Variants in CAMK2A observed in about 807,000 individuals in gnomAD.
CAMK2A encodes calcium/calmodulin-dependent protein kinase type II subunit alpha.
Under a neutral mutation model 79.2 loss-of-function variants are expected in CAMK2A, and 7 were observed. The observed-to-expected ratio is 0.09, with a 90% CI of 0.05 to 0.17. The LOEUF is 0.17. CAMK2A is among the 10% of genes least tolerant of loss of function. CAMK2A has a pLI of 1.00. For synonymous variants in CAMK2A, 242 were observed against 251.7 expected (o/e 0.96, Z 0.36); for missense variants, 214 against 646.4 (o/e 0.33, Z 7.25).
At chr5:150,228,055 C>T (rs1044889162) in intron 17 of CAMK2A, 137 bp downstream of exon 17, 1 of 659,102 alleles carries the variant, frequency 1.5e-6, no homozygotes. Context: ...GGGTACCAAC[C>T]CCAGTCCACA....
chr5:150,245,273 A>C, intron 12 of CAMK2A, 72 bp from the exon 13 acceptor site: 1 of 1,471,738 alleles, frequency 6.8e-7, no homozygotes, highest in Admixed American at 1.7e-5. Context: ...GAGGACGAGC[A>C]GCATCCACAC....
chr5:150,288,622 C>T (rs1054496735), intron 1 of CAMK2A, among the ~76,000 whole-genome samples: 5 of 152,194 alleles, frequency 3.3e-5, no homozygotes, highest in African/African-American at 1.2e-4. Flanking sequence ...GCTCCTGCTG[C>T]CTCAGCAGAA....
Position 150,287,937 on chromosome 5 carries a change from C to G in CAMK2A, c.62+1627G>C, listed in dbSNP as rs993936547. ...GTGGTGCATGCCTGTAGGATAGCCT[C>G]TGTGTGTGTGTGTGTGTGTGTGTGT... On this transcript the variant is annotated intron_variant, in intron 1 of 18. Transcript: ENST00000671881. Among the ~76,000 whole-genome samples the G allele has an allele frequency of 1.6e-3, 230 of 140,876 alleles. 2 individuals are homozygous for G. Among genetic ancestry groups the G allele is most frequent in the African/African-American group, 4.6e-3 (176 of 37,980 alleles). 92.4% of individuals were successfully genotyped at this position (140,876 alleles called of 152,430 possible). A position where few individuals can be genotyped will look rare whatever the true frequency, so the allele number is the denominator to read the frequency against.
upstream of CAMK2A, chr5:150,289,846 C>T: frequency 1.8e-6 from 1 of 544,468 alleles, no homozygotes; most frequent in Non-Finnish European, 3.3e-6. Context: ...CAACCACCTC[C>T]AAAACGCCCT....
chr5:150,231,721 C>G (rs2114027348), intron 15 of CAMK2A, among the ~76,000 whole-genome samples: 1 of 152,194 alleles, frequency 6.6e-6, no homozygotes, highest in East Asian at 1.9e-4. Flanking sequence ...TGAATCTACG[C>G]CTGATGTAAA....
intron 9 of CAMK2A, 34 bp downstream of exon 9, chr5:150,251,716 G>A (rs1755841787): frequency 3.4e-6 from 5 of 1,490,128 alleles, no homozygotes; most frequent in Non-Finnish European, 4.5e-6. Context: ...GGCACCAGAG[G>A]ATGATGGGAG....
chr5:150,221,919 C>T lies in CAMK2A; in HGVS notation c.*791G>A, dbSNP rs1754328349. On this transcript the variant is annotated 3_prime_UTR_variant, in exon 19 of 19. Coordinates refer to ENST00000671881, the MANE Select transcript of CAMK2A (RefSeq NM_015981.4). ...ACACAGAAATTTGGCTATAAAAAGG[C>T]ATGCGGTCCAAGTAGAAGTGATACC... 3.9e-6 allele frequency: 1 copy of T among 259,398 alleles called. No homozygotes were observed. The highest frequency in any genetic ancestry group is 7.2e-6 in the Non-Finnish European group (1 of 138,742). The allele number at this position is 259,398 out of a possible 1,614,324, so 16.1% of individuals were successfully genotyped here.
intron 2 of CAMK2A, among the ~76,000 whole-genome samples, chr5:150,265,982 A>G (rs1756497043): frequency 6.6e-6 from 1 of 152,174 alleles, no homozygotes; most frequent in Non-Finnish European, 1.5e-5. Context: ...ACCACATGAA[A>G]GAATAAATGA....
At chr5:150,266,242 C>CTGGGAACAG (rs1342779898) in intron 2 of CAMK2A, among the ~76,000 whole-genome samples, 3 of 152,178 alleles carry the variant, frequency 2.0e-5, no homozygotes, top group African/African-American at 7.2e-5. Flanking sequence ...TCTCCAGCTG[C>CTGGGAACAG]TGGGAACAGT....
intron 1 of CAMK2A, among the ~76,000 whole-genome samples, chr5:150,277,095 T>C (rs971453853): frequency 6.6e-6 from 1 of 152,180 alleles, no homozygotes; most frequent in African/African-American, 2.4e-5. Context: ...ACATCTGTGG[T>C]CCCAGCTACT....
chr5:150,251,503 C>T (rs1755831980), intron 9 of CAMK2A, among the ~76,000 whole-genome samples: 2 of 152,158 alleles, frequency 1.3e-5, no homozygotes, highest in Admixed American at 1.3e-4. Context: ...GAGAGAGAAA[C>T]AGAGAAACCC....
At chr5:150,266,758 A>G in intron 2 of CAMK2A, among the ~76,000 whole-genome samples, 1 of 152,122 alleles carries the variant, frequency 6.6e-6, no homozygotes, top group East Asian at 1.9e-4. Context: ...CAATTCCCAA[A>G]TAGAAAAATT....
At chr5:150,264,900 T>C in intron 3 of CAMK2A, 56 bp downstream of exon 3, 1 of 1,374,746 alleles carries the variant, frequency 7.3e-7, no homozygotes. Flanking sequence ...CGTGCCAGGG[T>C]GGGCAGGGGA....
chr5:150,250,644 G>A, intron 10 of CAMK2A, 44 bp downstream of exon 10: 1 of 1,611,362 alleles, frequency 6.2e-7, no homozygotes, highest in Non-Finnish European at 8.5e-7. Context: ...GGATCATGAG[G>A]TCTGGAGGGG....
At position 150,289,679 on chromosome 5, in the gene CAMK2A, G is replaced by T; in HGVS notation, c.-54C>A. On this transcript the variant is annotated 5_prime_UTR_variant, in exon 1 of 19. Coordinates refer to ENST00000671881, the MANE Select transcript of CAMK2A (RefSeq NM_015981.4). The stretch of plus-strand genomic sequence containing the variant: ...GGGACTGGGGGACCAGGACTGAGGC[G>T]CTGCTGCTCTGCTCCCGAACCTAGG... 6.9e-7 allele frequency: 1 copy of T among 1,443,510 alleles called. No homozygotes were observed. The highest frequency in any genetic ancestry group is 9.7e-7 in the Non-Finnish European group (1 of 1,030,546). 89.4% of individuals were successfully genotyped at this position (1,443,510 alleles called of 1,614,324 possible).
At chr5:150,247,706 G>T in intron 12 of CAMK2A, 66 bp downstream of exon 12, 2 of 1,365,888 alleles carry the variant, frequency 1.5e-6, no homozygotes, top group Non-Finnish European at 2.1e-6. Context: ...TCCAATATCT[G>T]ACAGGACGGT....
intron 2 of CAMK2A, among the ~76,000 whole-genome samples, chr5:150,272,586 A>AAGAG (rs1554123921): frequency 6.6e-6 from 1 of 150,412 alleles, no homozygotes; most frequent in Non-Finnish European, 1.5e-5. Flanking sequence ...AAAAAAAAAA[A>AAGAG]AGAGAGAGAG....
rs762276959 is a variant in CAMK2A at position 150,239,685 on chromosome 5, G to C, written c.1017+19C>G. 2.5e-6 allele frequency: 4 copies of C among 1,613,182 alleles called. No homozygotes were observed. The East Asian group carries it at 8.9e-5, about 36-fold the overall frequency. Reference sequence around the variant, plus strand: ...CGAGGCCCAGCATTTACCGGCGTTAGGAGACGGCAGACACTCACCATTAAC... The same window carrying C: ...CGAGGCCCAGCATTTACCGGCGTTACGAGACGGCAGACACTCACCATTAAC... On this transcript the variant is annotated intron_variant, in intron 14 of 18. Coordinates refer to ENST00000671881, the MANE Select transcript of CAMK2A (RefSeq NM_015981.4).
chr5:150,239,129 C>T (rs906674576), intron 14 of CAMK2A, among the ~76,000 whole-genome samples: 1 of 151,948 alleles, frequency 6.6e-6, no homozygotes, highest in African/African-American at 2.4e-5. Context: ...GAGGGAGGCC[C>T]AGTGTGAGAG....
Sources: allele counts gnomAD v4.1 joint callset (sites outside exome capture counted in the v4.1 genomes callset), GRCh38; gene constraint gnomAD v4.1.1; transcripts MANE v1.5; gene names NCBI Gene and HGNC (gene_info 2026-07-23, HGNC 2026-07-21).